The following CTNNA3 variants were observed in gnomAD, a reference collection of about 807,000 sequenced individuals.
The protein encoded by CTNNA3 is catenin alpha 3, also known as catenin alpha-3.
In CTNNA3, 76 loss-of-function variants were observed where a neutral mutation model predicts 95.7. The observed-to-expected ratio is 0.79, with a 90% CI of 0.66 to 0.96. The LOEUF (loss-of-function observed/expected upper bound fraction) is 0.96. Ranked by LOEUF, CTNNA3 falls within the 40% of genes least tolerant of loss-of-function variation. The pLI is 0.00. For synonymous variants in CTNNA3, 431 were observed against 374.4 expected (o/e 1.15, Z -1.74); for missense variants, 1,191 against 1,089.8 (o/e 1.09, Z -1.31).
chr10:66,362,696 G>C (rs1314148090), intron 12 of CTNNA3, among the ~76,000 whole-genome samples: 2 of 151,670 alleles, frequency 1.3e-5, no homozygotes, highest in Non-Finnish European at 2.9e-5. Flanking sequence ...CTGGGCAACA[G>C]AGTGAGACTA....
intron 10 of CTNNA3, among the ~76,000 whole-genome samples, chr10:66,569,243 T>C (rs1320124008): frequency 3.9e-5 from 6 of 152,236 alleles, no homozygotes; most frequent in African/African-American, 1.4e-4. Flanking sequence ...TCAGCCAATA[T>C]TTCTTAGCTG....
intron 10 of CTNNA3, among the ~76,000 whole-genome samples, chr10:66,528,458 C>G (rs1841346487): frequency 6.6e-6 from 1 of 151,950 alleles, no homozygotes; most frequent in South Asian, 2.1e-4. Context: ...TCTTTGTGTC[C>G]CTCTAGGTAT....
At chr10:67,188,102 C>T (rs1862947670) in intron 6 of CTNNA3, among the ~76,000 whole-genome samples, 1 of 152,206 alleles carries the variant, frequency 6.6e-6, no homozygotes. Context: ...AAATACGTAA[C>T]TACAATGTGG....
At chr10:67,093,203 CAA>C (rs1191579055) in intron 7 of CTNNA3, among the ~76,000 whole-genome samples, 11 of 151,898 alleles carry the variant, frequency 7.2e-5, no homozygotes, top group Admixed American at 3.9e-4. Context: ...TCTGGAGAAG[CAA>C]ATGCCTTATT....
chr10:66,312,827 G>A (rs1173215578), intron 12 of CTNNA3, among the ~76,000 whole-genome samples: 5 of 152,094 alleles, frequency 3.3e-5, no homozygotes, highest in Admixed American at 2.0e-4. Flanking sequence ...TTACAGGCGT[G>A]AGCTACAATG....
intron 13 of CTNNA3, among the ~76,000 whole-genome samples, chr10:66,140,318 T>C (rs2083549773): frequency 6.6e-6 from 1 of 152,214 alleles, no homozygotes; most frequent in South Asian, 2.1e-4. Flanking sequence ...CAGATGAATG[T>C]TGTTAAGTAC....
intron 1 of CTNNA3, among the ~76,000 whole-genome samples, chr10:67,703,050 T>A (rs1048262373): frequency 1.3e-5 from 2 of 152,022 alleles, no homozygotes; most frequent in Admixed American, 1.3e-4. Context: ...TTCCTTGACA[T>A]ATACACCCTC....
chr10:67,649,126 G>C (rs1303480737), intron 1 of CTNNA3, among the ~76,000 whole-genome samples: 2 of 152,180 alleles, frequency 1.3e-5, no homozygotes, highest in Non-Finnish European at 2.9e-5. Context: ...ACTCCTCTAC[G>C]ACAGGTACTA....
At chr10:66,451,535 A>C (rs1224104289) in intron 11 of CTNNA3, among the ~76,000 whole-genome samples, 1 of 152,154 alleles carries the variant, frequency 6.6e-6, no homozygotes, top group Admixed American at 6.5e-5. Flanking sequence ...ATCAAGTGTA[A>C]AACATAAGGG....
intron 7 of CTNNA3, among the ~76,000 whole-genome samples, chr10:66,913,764 C>T (rs996279301): frequency 7.9e-5 from 12 of 152,130 alleles, no homozygotes; most frequent in African/African-American, 1.2e-4. Context: ...TGCCAGATTT[C>T]GGTCTTTACC....
At chr10:66,974,401 T>C (rs1849906128) in intron 7 of CTNNA3, among the ~76,000 whole-genome samples, 1 of 152,196 alleles carries the variant, frequency 6.6e-6, no homozygotes, top group African/African-American at 2.4e-5. Context: ...CATTCACCTG[T>C]TGGTGTTGAT....
At chr10:66,385,479 CAGA>C (rs1254416887) in intron 11 of CTNNA3, among the ~76,000 whole-genome samples, 1 of 152,052 alleles carries the variant, frequency 6.6e-6, no homozygotes, top group African/African-American at 2.4e-5. Flanking sequence ...AGTCCAGGAC[CAGA>C]AGGATTCACA....
At chr10:66,126,929 T>C (rs1331225082) in intron 13 of CTNNA3, among the ~76,000 whole-genome samples, 2 of 152,058 alleles carry the variant, frequency 1.3e-5, no homozygotes, top group African/African-American at 4.8e-5. Context: ...TTCCACTCCT[T>C]AACTGTGGGC....
At chr10:66,772,070 G>A (rs1414817259) in intron 8 of CTNNA3, among the ~76,000 whole-genome samples, 1 of 152,092 alleles carries the variant, frequency 6.6e-6, no homozygotes, top group African/African-American at 2.4e-5. Context: ...AGATGCAAGT[G>A]TATTTGAGCG....
At chr10:67,481,875 G>GT (rs1367576987) in intron 5 of CTNNA3, among the ~76,000 whole-genome samples, 2 of 151,980 alleles carry the variant, frequency 1.3e-5, no homozygotes, top group Admixed American at 1.3e-4. Flanking sequence ...GGTTTTTATG[G>GT]TTTTAGGTCT....
chr10:66,978,094 G>A (rs1850166536), intron 7 of CTNNA3, among the ~76,000 whole-genome samples: 1 of 150,244 alleles, frequency 6.7e-6, no homozygotes, highest in African/African-American at 2.5e-5. Context: ...ACACACACAT[G>A]CGATGACGTT....
chr10:67,253,383 G>A (rs1048717646), intron 5 of CTNNA3, among the ~76,000 whole-genome samples: 1 of 152,136 alleles, frequency 6.6e-6, no homozygotes, highest in African/African-American at 2.4e-5. Flanking sequence ...TCAGATCACA[G>A]TTGACTGTGG....
intron 7 of CTNNA3, among the ~76,000 whole-genome samples, chr10:67,027,671 G>T (rs1853476816): frequency 6.6e-6 from 1 of 151,784 alleles, no homozygotes; most frequent in African/African-American, 2.4e-5. Flanking sequence ...TCTTGACCTT[G>T]TCATCCACTG....
In CTNNA3 at chr10:66,072,164, A is replaced by C. The variant is rs147190689; in HGVS notation, c.1978-2675T>G. Reference sequence around the variant, plus strand: ...AGACATTGAAATTTGAATTTTACATAATTTTCACATGCCACAAATATTATT... The same window carrying C: ...AGACATTGAAATTTGAATTTTACATCATTTTCACATGCCACAAATATTATT... On this transcript the variant is annotated intron_variant, in intron 14 of 17. Transcript: ENST00000433211. 2.6e-3 allele frequency among the ~76,000 whole-genome samples: 390 copies of C among 152,312 alleles called. 6 individuals are homozygous for C. The highest frequency in any genetic ancestry group is 9.1e-3 in the African/African-American group (377 of 41,562).
Sources: allele counts gnomAD v4.1 joint callset (sites outside exome capture counted in the v4.1 genomes callset), GRCh38; gene constraint gnomAD v4.1.1; transcripts MANE v1.5; gene names NCBI Gene and HGNC (gene_info 2026-07-23, HGNC 2026-07-21).